The following REC114 variants were observed in gnomAD, a reference collection of about 807,000 sequenced individuals.
REC114 encodes the protein meiotic recombination protein REC114.
REC114 carries 27 observed loss-of-function variants against 31.3 expected under a neutral mutation model. The ratio of observed to expected loss-of-function variants is 0.86; its 90% confidence interval spans 0.64 to 1.19. The LOEUF (loss-of-function observed/expected upper bound fraction) is 1.19, where lower values mean the gene tolerates loss of function less well. REC114 is among the 50% of genes most tolerant of loss of function. The probability of loss-of-function intolerance (pLI) is 0.00; values close to 1 mark genes in which losing one functional copy is unlikely to be tolerated. For synonymous variants in REC114, 134 were observed against 127.7 expected (o/e 1.05, Z -0.33); for missense variants, 344 against 326.9 (o/e 1.05, Z -0.40).
At chr15:73,471,875 T>C (rs754701613) in intron 1 of REC114, among the ~76,000 whole-genome samples, 7 of 152,140 alleles carry the variant, frequency 4.6e-5, no homozygotes, top group African/African-American at 9.7e-5. Flanking sequence ...TGGAGCCAAA[T>C]GTCAAATAAT....
At chr15:73,529,147 T>A (rs1372438945) in intron 2 of REC114, among the ~76,000 whole-genome samples, 1 of 151,480 alleles carries the variant, frequency 6.6e-6, no homozygotes, top group Admixed American at 6.6e-5. Context: ...TATTTTATTT[T>A]TTTTTTTGGA....
chr15:73,556,438 A>G, intron 5 of REC114, 47 bp downstream of exon 5: 1 of 1,485,410 alleles, frequency 6.7e-7, no homozygotes, highest in Non-Finnish European at 9.3e-7. Context: ...AGAAGCAGTG[A>G]CCCCTAAGAA....
intron 3 of REC114, among the ~76,000 whole-genome samples, chr15:73,549,815 ATTC>A (rs1007432225): frequency 6.6e-6 from 1 of 152,196 alleles, no homozygotes; most frequent in African/African-American, 2.4e-5. Context: ...AGTGGTGCCT[ATTC>A]TTCTAAACAT....
chr15:73,511,698 T>G (rs796101774), intron 2 of REC114, among the ~76,000 whole-genome samples: 265 of 149,184 alleles, frequency 1.8e-3, no homozygotes, highest in Middle Eastern at 0.014. Context: ...CATTTCGTTA[T>G]GTATCCAGTA....
At chr15:73,543,377 G>C (rs1261656221) in intron 3 of REC114, among the ~76,000 whole-genome samples, 1 of 152,082 alleles carries the variant, frequency 6.6e-6, no homozygotes, top group Admixed American at 6.6e-5. Context: ...TTGTTGCCCA[G>C]GCTGGAGTGC....
intron 2 of REC114, among the ~76,000 whole-genome samples, chr15:73,483,045 C>T (rs769536012): frequency 5.3e-5 from 8 of 151,914 alleles, no homozygotes; most frequent in South Asian, 4.2e-4. Flanking sequence ...TTGATCTTAG[C>T]GGGTGTAAGG....
At chr15:73,485,204 C>T (rs1312401655) in intron 2 of REC114, among the ~76,000 whole-genome samples, 3 of 152,178 alleles carry the variant, frequency 2.0e-5, no homozygotes, top group Admixed American at 1.3e-4. Flanking sequence ...CTGCCTCAGC[C>T]TCCCGAGTAG....
At chr15:73,465,231 G>A (rs1469301702) in intron 1 of REC114, among the ~76,000 whole-genome samples, 1 of 152,124 alleles carries the variant, frequency 6.6e-6, no homozygotes, top group Non-Finnish European at 1.5e-5. Context: ...AAGGTAAATG[G>A]CATTTGGATT....
At chr15:73,500,791 T>C (rs540081525) in intron 2 of REC114, among the ~76,000 whole-genome samples, 3 of 149,572 alleles carry the variant, frequency 2.0e-5, no homozygotes, top group Admixed American at 1.3e-4. Flanking sequence ...ATTGCAAAAC[T>C]GGGAGTTTCT....
intron 1 of REC114, among the ~76,000 whole-genome samples, chr15:73,445,109 T>G (rs890614071): frequency 4.6e-5 from 7 of 152,194 alleles, no homozygotes; most frequent in Non-Finnish European, 1.0e-4. Context: ...CAGAGTAGAT[T>G]TAGTACAGTT....
intron 2 of REC114, among the ~76,000 whole-genome samples, chr15:73,522,090 G>T (rs1350306566): frequency 6.6e-6 from 1 of 152,160 alleles, no homozygotes; most frequent in Non-Finnish European, 1.5e-5. Context: ...TGAATTTTTA[G>T]CTTAGCAGAA....
chr15:73,451,170 C>A (rs1225795607), intron 1 of REC114, among the ~76,000 whole-genome samples: 1 of 152,144 alleles, frequency 6.6e-6, no homozygotes, highest in East Asian at 1.9e-4. Flanking sequence ...ACTTGAAAAA[C>A]CCTTCAAAAG....
At chr15:73,530,537 A>C (rs1041558328) in intron 2 of REC114, among the ~76,000 whole-genome samples, 2 of 152,152 alleles carry the variant, frequency 1.3e-5, no homozygotes, top group African/African-American at 4.8e-5. Context: ...GGTCCCAGCT[A>C]TTCAGGAGGC....
At chr15:73,522,035 C>T (rs549940715) in intron 2 of REC114, among the ~76,000 whole-genome samples, 1 of 152,230 alleles carries the variant, frequency 6.6e-6, no homozygotes, top group Non-Finnish European at 1.5e-5. Flanking sequence ...CAATGTGTTT[C>T]ACCACATTGA....
intron 2 of REC114, among the ~76,000 whole-genome samples, chr15:73,535,466 A>G (rs1019640742): frequency 6.6e-6 from 1 of 151,746 alleles, no homozygotes; most frequent in Non-Finnish European, 1.5e-5. Context: ...TCCAACTTAC[A>G]AGGGATGTGA....
intron 1 of REC114, among the ~76,000 whole-genome samples, chr15:73,467,732 G>A (rs1275691517): frequency 6.6e-6 from 1 of 152,130 alleles, no homozygotes; most frequent in African/African-American, 2.4e-5. Flanking sequence ...ATTAGTGTCT[G>A]TACTAATTTC....
At chr15:73,455,116 T>A (rs964327871) in intron 1 of REC114, among the ~76,000 whole-genome samples, 1 of 151,300 alleles carries the variant, frequency 6.6e-6, no homozygotes, top group African/African-American at 2.4e-5. Flanking sequence ...GGTCTGTCAT[T>A]TTTTTTTTGG....
intron 1 of REC114, among the ~76,000 whole-genome samples, chr15:73,464,208 A>G (rs1389064727): frequency 6.6e-6 from 1 of 151,984 alleles, no homozygotes; most frequent in East Asian, 1.9e-4. Flanking sequence ...CTTTTAAACT[A>G]TTAATTTGGC....
chr15:73,461,907 TTTTCTTTTTCTTTTC>T (rs1567851937), intron 1 of REC114, among the ~76,000 whole-genome samples: 1 of 140,802 alleles, frequency 7.1e-6, no homozygotes, highest in Non-Finnish European at 1.6e-5. Context: ...ACATTTTTCT[TTTTCTTTTTCTTTTC>T]TTTTTTTTTT....
Sources: allele counts gnomAD v4.1 joint callset (sites outside exome capture counted in the v4.1 genomes callset), GRCh38; gene constraint gnomAD v4.1.1; transcripts MANE v1.5; gene names NCBI Gene and HGNC (gene_info 2026-07-23, HGNC 2026-07-21).